RNF170: variants seen among roughly 807,000 people sequenced by gnomAD.
The protein encoded by RNF170 is ring finger protein 170.
RNF170 carries 12 observed loss-of-function variants against 32.7 expected under a neutral mutation model. That is an observed-to-expected ratio of 0.37 (90% confidence interval 0.24 to 0.60). RNF170 has a LOEUF of 0.60. RNF170 is among the 20% of genes least tolerant of loss of function. RNF170 has a pLI of 0.72. For synonymous variants in RNF170, 91 were observed against 103.6 expected (o/e 0.88, Z 0.74); for missense variants, 212 against 311.2 (o/e 0.68, Z 2.40).
In RNF170 at chr8:42,854,293, C is replaced by G; in HGVS notation, c.*1866G>C. 7.8e-7 allele frequency: 1 copy of G among 1,287,204 alleles called. No homozygotes were observed. The highest frequency in any genetic ancestry group is 1.0e-6 in the Non-Finnish European group (1 of 988,684). The allele number at this position is 1,287,204 out of a possible 1,614,324, so 79.7% of individuals were successfully genotyped here. A position where few individuals can be genotyped will look rare whatever the true frequency, so the allele number is the denominator to read the frequency against. On this transcript the variant is annotated 3_prime_UTR_variant, in exon 7 of 7. Coordinates refer to ENST00000527424, the MANE Select transcript of RNF170 (RefSeq NM_030954.4). ...TCTTGCTGTTCCTCTTAACAACTTT[C>G]ACGTCTATCTAAACATTCTATGCAG... is the stretch of plus-strand genomic sequence containing the variant.
rs1299083965 is a variant in RNF170 at position 42,855,899 on chromosome 8, C to G, written c.*260G>C. 3 of 1,237,220 alleles carry G rather than the reference C, an allele frequency of 2.4e-6. No homozygotes were observed. The highest frequency in any genetic ancestry group is 2.7e-5 in the South Asian group (2 of 73,328). 76.6% of individuals were successfully genotyped at this position (1,237,220 alleles called of 1,614,324 possible). On this transcript the variant is annotated 3_prime_UTR_variant, in exon 7 of 7. Transcript: ENST00000527424. ...AAAAGCATCCCTTTTTATATAATTC[C>G]ATATTTTTTCCAGACAACATAGAAT... is the stretch of plus-strand genomic sequence containing the variant.
At position 42,871,551 on chromosome 8, in the gene RNF170, C is replaced by A. The variant is rs1260183665; in HGVS notation, c.214-1439G>T. On this transcript the variant is annotated intron_variant, in intron 3 of 6. Coordinates refer to ENST00000527424, the MANE Select transcript of RNF170 (RefSeq NM_030954.4). The stretch of plus-strand genomic sequence containing the variant: ...CAGTTCTAATGCTACAAAAAGTGTA[C>A]AGCACTTTATGTTCCCTTCTCTACT... Among the ~76,000 whole-genome samples the A allele has an allele frequency of 2.0e-5, 3 of 151,956 alleles. No individual in the cohort carries two copies. The East Asian group carries it at 5.8e-4, about 29-fold the overall frequency.
upstream of RNF170, chr8:42,897,005 T>C: frequency 1.7e-6 from 1 of 598,460 alleles, no homozygotes; most frequent in Non-Finnish European, 2.4e-6. Flanking sequence ...TGGGCGAGAG[T>C]CGGCGGCCGG....
intron 5 of RNF170, among the ~76,000 whole-genome samples, chr8:42,863,555 C>T (rs1360883864): frequency 6.6e-6 from 1 of 152,216 alleles, no homozygotes; most frequent in Non-Finnish European, 1.5e-5. Context: ...GATTTTTCTG[C>T]CTCAGCCTCC....
upstream of RNF170, chr8:42,896,678 C>T (rs1171478233): frequency 2.2e-6 from 1 of 449,752 alleles, no homozygotes; most frequent in South Asian, 1.5e-5. Flanking sequence ...CCCGTCGCCG[C>T]AGCCTCCAGG....
intron 1 of RNF170, among the ~76,000 whole-genome samples, chr8:42,893,434 ACAGCAAACAAG>A (rs761878937): frequency 6.6e-6 from 1 of 152,172 alleles, no homozygotes; most frequent in African/African-American, 2.4e-5. Context: ...GTATCTTCAG[ACAGCAAACAAG>A]CACAAGTTCC....
At position 42,854,968 on chromosome 8, in the gene RNF170, T is replaced by G. The variant is rs753341959; in HGVS notation, c.*1191A>C. Reference sequence around the variant, plus strand: ...AACTAACAAAATTTGTCCAATCTGTTGCTATAGCTAACCAGTAATTTCTTT... The same window carrying G: ...AACTAACAAAATTTGTCCAATCTGTGGCTATAGCTAACCAGTAATTTCTTT... On this transcript the variant is annotated 3_prime_UTR_variant, in exon 7 of 7. Coordinates refer to ENST00000527424, the MANE Select transcript of RNF170 (RefSeq NM_030954.4). 1.0e-5 allele frequency: 13 copies of G among 1,287,252 alleles called. No homozygotes were observed. The South Asian group carries it at 1.2e-4, about 12-fold the overall frequency. 79.7% of individuals were successfully genotyped at this position (1,287,252 alleles called of 1,614,324 possible).
intron 6 of RNF170, among the ~76,000 whole-genome samples, chr8:42,860,628 G>C (rs1316246930): frequency 6.6e-6 from 1 of 152,010 alleles, no homozygotes; most frequent in African/African-American, 2.4e-5. Context: ...TCACCATGTT[G>C]ATCAGGCTGG....
chr8:42,856,984 A>T (rs1372102253), intron 6 of RNF170, among the ~76,000 whole-genome samples: 1 of 152,254 alleles, frequency 6.6e-6, no homozygotes, highest in Non-Finnish European at 1.5e-5. Flanking sequence ...TGTGTATGAA[A>T]GACCTTTATA....
chr8:42,852,324 T>C (rs1414364535), downstream of RNF170, among the ~76,000 whole-genome samples: 1 of 152,244 alleles, frequency 6.6e-6, no homozygotes, highest in Non-Finnish European at 1.5e-5. Context: ...TATATACTTT[T>C]ATTACCTGTT....
chr8:42,878,517 C>T (rs1392953542), intron 2 of RNF170, among the ~76,000 whole-genome samples: 3 of 152,186 alleles, frequency 2.0e-5, no homozygotes, highest in Non-Finnish European at 4.4e-5. Flanking sequence ...GCAAGTCCCT[C>T]CCTCTCTTCA....
In RNF170 at chr8:42,856,075, A is replaced by G; in HGVS notation, c.*84T>C. 1 of 1,602,494 alleles carries G rather than the reference A, an allele frequency of 6.2e-7. No homozygotes were observed. The highest frequency in any genetic ancestry group is 8.5e-7 in the Non-Finnish European group (1 of 1,175,656). ...TTGTGAGATAATACTCCATTGCTTC[A>G]TTGCTTTATACTGCCATGGGTCCTT... On this transcript the variant is annotated 3_prime_UTR_variant, in exon 7 of 7. Transcript: ENST00000527424.
rs747609256 is a variant in RNF170, at chr8:42,853,583, T to C, written c.*2576A>G. On this transcript the variant is annotated 3_prime_UTR_variant, in exon 7 of 7. Coordinates refer to ENST00000527424, the MANE Select transcript of RNF170 (RefSeq NM_030954.4). ...ATTATCTGCTCCTGGGGTTGGACCA[T>C]CTGTTTTATGACAGTTATGATATTG... is the stretch of plus-strand genomic sequence containing the variant. 7.8e-7 allele frequency: 1 copy of C among 1,286,792 alleles called. No homozygotes were observed. 79.7% of individuals were successfully genotyped at this position (1,286,792 alleles called of 1,614,324 possible).
intron 1 of RNF170, among the ~76,000 whole-genome samples, chr8:42,894,836 G>A (rs555673005): frequency 6.6e-6 from 1 of 152,062 alleles, no homozygotes; most frequent in Non-Finnish European, 1.5e-5. Context: ...TTACAGGCGC[G>A]AGACACCGCG....
chr8:42,854,283 TAAC>T lies in RNF170; in HGVS notation c.*1873_*1875del. On this transcript the variant is annotated 3_prime_UTR_variant, in exon 7 of 7. Transcript: ENST00000527424. ...CCAGTTTCTCTCTTGCTGTTCCTCT[TAAC>T]AACTTTCACGTCTATCTAAACATTC... The T allele has an allele frequency of 7.8e-7, 1 of 1,287,242 alleles. No homozygotes were observed. The highest frequency in any genetic ancestry group is 1.0e-6 in the Non-Finnish European group (1 of 988,698). The allele number at this position is 1,287,242 out of a possible 1,614,324, so 79.7% of individuals were successfully genotyped here.
At chr8:42,869,779 C>G (rs1804387234) in intron 4 of RNF170, among the ~76,000 whole-genome samples, 2 of 152,156 alleles carry the variant, frequency 1.3e-5, no homozygotes, top group Admixed American at 6.6e-5. Flanking sequence ...AACCTCTGAA[C>G]CCATAGCTGC....
chr8:42,885,418 C>A (rs1468164397), intron 2 of RNF170, among the ~76,000 whole-genome samples: 1 of 152,176 alleles, frequency 6.6e-6, no homozygotes, highest in Non-Finnish European at 1.5e-5. Context: ...TTGATATATA[C>A]TACCCTGAAG....
intron 6 of RNF170, among the ~76,000 whole-genome samples, chr8:42,860,904 G>T (rs1041894396): frequency 1.3e-5 from 2 of 152,064 alleles, no homozygotes; most frequent in Non-Finnish European, 2.9e-5. Flanking sequence ...TTTTAGTAGA[G>T]ACAGGGTTTC....
chr8:42,862,041 T>C (rs961955727), intron 5 of RNF170, among the ~76,000 whole-genome samples, 186 bp from the exon 6 acceptor site: 11 of 152,270 alleles, frequency 7.2e-5, no homozygotes, highest in Middle Eastern at 3.4e-3. Context: ...AACATAGAAT[T>C]TGAACTCCTA....
Sources: gnomAD v4.1 joint callset for allele counts (sites outside exome capture counted in the v4.1 genomes callset) on GRCh38, gnomAD v4.1.1 for gene constraint, MANE v1.5 for transcripts, NCBI Gene and HGNC (gene_info 2026-07-23, HGNC 2026-07-21) for gene names.